Variants in ICAM2 observed in about 807,000 individuals in gnomAD.
ICAM2 encodes ICAM-2.
In ICAM2, 14 loss-of-function variants were observed where a neutral mutation model predicts 19.1. The ratio of observed to expected loss-of-function variants is 0.73; its 90% CI spans 0.48 to 1.15. ICAM2 has a LOEUF of 1.15. Among genes scored for constraint, ICAM2 ranks in the 50% most tolerant of loss-of-function variants. The pLI, the probability that ICAM2 is intolerant of heterozygous loss-of-function variation, is 0.00. For synonymous variants in ICAM2, 153 were observed against 152.7 expected (o/e 1.00, Z -0.01); for missense variants, 311 against 355.4 (o/e 0.88, Z 1.00).
chr17:64,003,085 T>C lies in ICAM2; in HGVS notation c.650-160A>G, dbSNP rs1910913727. The stretch of plus-strand genomic sequence containing the variant: ...TTGCAGAGATGAGTGGTGAATGGTG[T>C]CTGCATTAAAATTATTATCTGGAAA... On this transcript the variant is annotated intron_variant, in intron 4 of 4. Coordinates refer to ENST00000579788, the MANE Select transcript of ICAM2 (RefSeq NM_001099789.2). 13 of 607,692 alleles carry C rather than the reference T, an allele frequency of 2.1e-5. No homozygotes were observed. In the East Asian group the frequency reaches 3.6e-4, roughly 17 times the overall value. 37.6% of individuals were successfully genotyped at this position (607,692 alleles called of 1,614,324 possible).
chr17:64,004,968 CT>C, intron 3 of ICAM2, 138 bp downstream of exon 3: 1 of 999,148 alleles, frequency 1.0e-6, no homozygotes, highest in Non-Finnish European at 1.5e-6. Context: ...GGTCCTGCCC[CT>C]TGTCACCCCA....
chr17:64,004,675 G>A, intron 3 of ICAM2: 1 of 277,288 alleles, frequency 3.6e-6, no homozygotes, highest in South Asian at 4.3e-5. Context: ...CAGGTGGAGT[G>A]TGATGGCCAC....
At position 64,014,330 on chromosome 17, in the gene ICAM2, GGAAAGAAAGAAAGAAAGAAA is replaced by G. The variant is rs1187209016; in HGVS notation, c.-45+6173_-45+6192del. On this transcript the variant is annotated intron_variant, in intron 1 of 4. Transcript: ENST00000579788. The stretch of plus-strand genomic sequence containing the variant: ...CTGAAAGAAGGAAGGAAGGAAGGAA[GGAAAGAAAGAAAGAAAGAAA>G]GAAAGAAAGAAAGAAAGAAAGAAAG... Among the ~76,000 whole-genome samples the G allele has an allele frequency of 2.1e-3, 64 of 31,142 alleles. 1 individual carries two copies. The highest frequency in any genetic ancestry group is 6.9e-3 in the African/African-American group (63 of 9,156). The allele number at this position is 31,142 out of a possible 152,430, so 20.4% of individuals were successfully genotyped here. A position where few individuals can be genotyped will look rare whatever the true frequency, so the allele number is the denominator to read the frequency against.
chr17:64,008,578 G>A (rs979826535), intron 1 of ICAM2, among the ~76,000 whole-genome samples: 6 of 152,266 alleles, frequency 3.9e-5, no homozygotes, highest in East Asian at 1.9e-4. Flanking sequence ...GGCACGTCAA[G>A]GTTAAATGAC....
intron 1 of ICAM2, among the ~76,000 whole-genome samples, chr17:64,012,162 G>T (rs553941159): frequency 1.3e-5 from 2 of 152,248 alleles, no homozygotes; most frequent in South Asian, 4.1e-4. Flanking sequence ...AATAAGACAG[G>T]CATAGAAAGG....
chr17:64,016,749 C>G (rs1010065070), intron 1 of ICAM2, among the ~76,000 whole-genome samples: 1 of 152,156 alleles, frequency 6.6e-6, no homozygotes, highest in African/African-American at 2.4e-5. Context: ...GCTCCTTCAC[C>G]CCCTGCTTCC....
intron 1 of ICAM2, 150 bp downstream of exon 1, chr17:64,020,373 G>A (rs1287452555): frequency 6.6e-6 from 1 of 152,352 alleles, no homozygotes; most frequent in Non-Finnish European, 1.5e-5. Context: ...CGAGCCACAG[G>A]AGCGCTGGGG....
chr17:64,003,029 C>T (rs1350098981), intron 4 of ICAM2, 104 bp from the exon 5 acceptor site: 16 of 979,338 alleles, frequency 1.6e-5, no homozygotes, highest in East Asian at 2.6e-5. Flanking sequence ...CAGACCCCGC[C>T]GCCCGCTCAT....
chr17:64,008,201 G>A (rs746070973), intron 1 of ICAM2, among the ~76,000 whole-genome samples: 6 of 152,334 alleles, frequency 3.9e-5, no homozygotes, highest in Non-Finnish European at 7.3e-5. Context: ...AATGATGCAG[G>A]GAGGAAGAGG....
At position 64,003,835 on chromosome 17, in the gene ICAM2, T is replaced by C. The variant is rs772122002; in HGVS notation, c.458A>G (p.Asn153Ser). The C allele has an allele frequency of 2.5e-6, 4 of 1,614,068 alleles. No individual in the cohort carries two copies. In the Admixed American group the frequency reaches 5.0e-5, roughly 20 times the overall value. ...GAAGGTCTCATAGTGCAGAGTCTCA[T>C]TGCCACGGAACAGGAAGAGGGTGAG... ...DSLTLFLFRG[N>S]ETLHYETFGK... is the part of the protein sequence containing the mutation. Residue 153 changes from asparagine to serine, a missense_variant, in exon 4 of 5, where the codon AAT (asparagine) becomes AGT (serine). Coordinates refer to ENST00000579788, the MANE Select transcript of ICAM2 (RefSeq NM_001099789.2).
intron 1 of ICAM2, among the ~76,000 whole-genome samples, chr17:64,019,459 G>C (rs1350760453): frequency 6.6e-6 from 1 of 151,988 alleles, no homozygotes; most frequent in African/African-American, 2.4e-5. Flanking sequence ...AAAAATAAGA[G>C]AACAATAAAC....
rs756990124 is a variant in ICAM2, at chr17:64,002,939, G to A, written c.650-14C>T. On this transcript the variant is annotated splice_polypyrimidine_tract_variant and intron_variant, in intron 4 of 4. Coordinates refer to ENST00000579788, the MANE Select transcript of ICAM2 (RefSeq NM_001099789.2). The stretch of plus-strand genomic sequence containing the variant: ...CCGACACAGGCTCTGGGGAGGGAGG[G>A]GGCAAGGGTCTTAGACGTCCTGTGA... 18 of 1,611,572 alleles carry A rather than the reference G, an allele frequency of 1.1e-5. No homozygotes were observed. Among genetic ancestry groups the A allele is most frequent in the Non-Finnish European group, 1.5e-5 (18 of 1,178,548 alleles).
chr17:64,018,532 T>C (rs1020351794), intron 1 of ICAM2, among the ~76,000 whole-genome samples: 2 of 151,776 alleles, frequency 1.3e-5, no homozygotes, highest in African/African-American at 4.8e-5. Flanking sequence ...GGAGAGGCCG[T>C]AGGTTAATAG....
At position 64,002,879 on chromosome 17, in the gene ICAM2, C is replaced by G. The variant is rs774163017; in HGVS notation, c.696G>C (p.Ser232=). ...ATGTCACGAACAGGGACAGCAACAC[C>G]GACACCACCGTGACTATGATGACCA... The part of the protein sequence containing the change: ...SQMVIIVTVV[S]VLLSLFVTSV... Residue 232 remains serine (S), a synonymous_variant, in exon 5 of 5, where the codon TCG becomes TCC. Coordinates refer to ENST00000579788, the MANE Select transcript of ICAM2 (RefSeq NM_001099789.2). 56 of 1,613,740 alleles carry G rather than the reference C, an allele frequency of 3.5e-5. No individual in the cohort carries two copies. The highest frequency in any genetic ancestry group is 4.5e-5 in the Non-Finnish European group (53 of 1,179,948).
At chr17:64,008,227 G>C (rs1331896176) in intron 1 of ICAM2, among the ~76,000 whole-genome samples, 1 of 152,212 alleles carries the variant, frequency 6.6e-6, no homozygotes, top group East Asian at 1.9e-4. Context: ...CCTGGGGCCA[G>C]CAGAGAAAAG....
chr17:64,016,157 C>T (rs1192277644), intron 1 of ICAM2, among the ~76,000 whole-genome samples: 1 of 152,110 alleles, frequency 6.6e-6, no homozygotes, highest in African/African-American at 2.4e-5. Flanking sequence ...ATAAATGCAA[C>T]AGTTATAAGA....
At position 64,004,916 on chromosome 17, in the gene ICAM2, G is replaced by C. The variant is rs1016204792; in HGVS notation, c.328+191C>G. ...TCAAAATGTGGGTTGTCTGCGTCTT[G>C]AGATGCCAGCGGGCTCAAGGCATCC... is the stretch of plus-strand genomic sequence containing the variant. On this transcript the variant is annotated intron_variant, in intron 3 of 4. Coordinates refer to ENST00000579788, the MANE Select transcript of ICAM2 (RefSeq NM_001099789.2). The C allele has an allele frequency of 6.3e-6, 4 of 638,928 alleles. No individual in the cohort carries two copies. In the African/African-American group the frequency reaches 7.3e-5, roughly 12 times the overall value. 39.6% of individuals were successfully genotyped at this position (638,928 alleles called of 1,614,324 possible).
At chr17:64,008,009 G>T (rs1365667702) in intron 1 of ICAM2, among the ~76,000 whole-genome samples, 1 of 152,184 alleles carries the variant, frequency 6.6e-6, no homozygotes, top group Admixed American at 6.5e-5. Flanking sequence ...CCTTTCCAAA[G>T]GGATGCCCCA....
At chr17:64,006,959 G>T in intron 1 of ICAM2, 1 of 524,430 alleles carries the variant, frequency 1.9e-6, no homozygotes, top group Non-Finnish European at 3.4e-6. Flanking sequence ...CCTGTGCAAG[G>T]GGCGGGGCAG....
Sources: allele counts gnomAD v4.1 joint callset (sites outside exome capture counted in the v4.1 genomes callset), GRCh38; gene constraint gnomAD v4.1.1; transcripts MANE v1.5; gene names NCBI Gene and HGNC (gene_info 2026-07-23, HGNC 2026-07-21).